The following SRGAP2 variants were observed in gnomAD, a reference collection of about 807,000 sequenced individuals.
SRGAP2 encodes SLIT-ROBO Rho GTPase activating protein 2.
Under a neutral mutation model 57.2 loss-of-function variants are expected in SRGAP2, and 15 were observed. That is an observed-to-expected ratio of 0.26 (90% CI 0.18 to 0.40). The LOEUF is 0.40. Ranked by LOEUF, SRGAP2 falls within the 10% of genes least tolerant of loss-of-function variation. The pLI, the probability that SRGAP2 is intolerant of heterozygous loss-of-function variation, is 1.00. For missense variants in SRGAP2, 520 were observed against 669.6 expected (o/e 0.78, Z 2.47); for synonymous variants, 249 against 248.0 (o/e 1.00, Z -0.04).
intron 4 of SRGAP2, among the ~76,000 whole-genome samples, chr1:206,357,141 A>AT (rs1451690065): frequency 1.4e-5 from 2 of 146,238 alleles, no homozygotes; most frequent in African/African-American, 2.7e-5. Flanking sequence ...AACATCTTCT[A>AT]TTTTTTATTT....
intron 7 of SRGAP2, among the ~76,000 whole-genome samples, chr1:206,394,355 C>G (rs1657355615): frequency 6.6e-6 from 1 of 152,176 alleles, no homozygotes; most frequent in Non-Finnish European, 1.5e-5. Flanking sequence ...GGCCCTGCAC[C>G]CGACCTAGGA....
At chr1:206,378,667 C>T (rs1655434301) in intron 4 of SRGAP2, among the ~76,000 whole-genome samples, 1 of 151,860 alleles carries the variant, frequency 6.6e-6, no homozygotes, top group South Asian at 2.1e-4. Context: ...CACCAATCAG[C>T]GCTCTGTGTC....
At chr1:206,211,931 G>GA (rs1666337536) in intron 2 of SRGAP2, among the ~76,000 whole-genome samples, 1 of 140,784 alleles carries the variant, frequency 7.1e-6, no homozygotes, top group Non-Finnish European at 1.5e-5. Context: ...CAGGTAAGTG[G>GA]AATCATATTG....
At position 206,450,421 on chromosome 1, in the gene SRGAP2, A is replaced by G. The variant is rs530268226; in HGVS notation, c.2135A>G (p.Asp712Gly). 3.8e-6 allele frequency: 3 copies of G among 780,724 alleles called. No homozygotes were observed. The South Asian group carries it at 4.0e-5, about 10-fold the overall frequency. 48.4% of individuals were successfully genotyped at this position (780,724 alleles called of 1,614,324 possible). ...SPHGETTSVEDSTQDVTAEHH... is the reference protein window; with the variant it reads ...SPHGETTSVEGSTQDVTAEHH... ...CATGGAGAGACTACCTCGGTTGAAG[A>G]CTCAACCCAGGATGTGACCGCAGAG... Residue 712 changes from aspartate (D) to glycine (G), a missense_variant, in exon 19 of 23, where the codon GAC becomes GGC. By Grantham distance (94) the Asp-to-Gly change is moderately conservative (BLOSUM62 -1). Transcript: ENST00000573034.
chr1:206,425,006 A>G (rs1553365817), intron 13 of SRGAP2, among the ~76,000 whole-genome samples: 1 of 152,206 alleles, frequency 6.6e-6, no homozygotes, highest in African/African-American at 2.4e-5. Context: ...CATGCAGGTT[A>G]ATATTTTTCT....
intron 18 of SRGAP2, among the ~76,000 whole-genome samples, chr1:206,446,580 G>T (rs1391492759): frequency 3.3e-5 from 5 of 152,202 alleles, no homozygotes; most frequent in Non-Finnish European, 1.5e-5. Flanking sequence ...CTCTAAGAAA[G>T]GACTTTTTAT....
At chr1:206,258,741 GT>G (rs1669363739) in intron 2 of SRGAP2, among the ~76,000 whole-genome samples, 1 of 98,942 alleles carries the variant, frequency 1.0e-5, no homozygotes, top group Non-Finnish European at 1.9e-5. Context: ...CAGGCTTCTG[GT>G]TCAGGGATCT....
In SRGAP2 at chr1:206,458,831, C is replaced by T. The variant is rs553049915; in HGVS notation, c.2716C>T (p.Arg906Cys). The change falls in exon 22 of 23, where the codon CGC becomes TGC. Residue 906 changes from arginine (R) to cysteine (C), a missense_variant. Physicochemically the swap from Arg to Cys is radical, Grantham distance 180 (BLOSUM62 -3). Coordinates refer to ENST00000573034, the MANE Select transcript of SRGAP2 (RefSeq NM_015326.5). ...SGHGSLNSIS[R>C]HSSLKNRLDS... ...GCACGGGAGCCTCAACTCCATCAGCCGCCACTCATCCCTGAAGAATCGGCT... is the reference window on the plus strand; with the variant it reads ...GCACGGGAGCCTCAACTCCATCAGCTGCCACTCATCCCTGAAGAATCGGCT... 1.0e-5 allele frequency: 8 copies of T among 780,590 alleles called. No individual in the cohort carries two copies. Among genetic ancestry groups the T allele is most frequent in the African/African-American group, 5.1e-5 (3 of 59,122 alleles). 48.4% of individuals were successfully genotyped at this position (780,590 alleles called of 1,614,324 possible).
chr1:206,373,710 G>A (rs1399341863), intron 4 of SRGAP2, among the ~76,000 whole-genome samples: 2 of 75,732 alleles, frequency 2.6e-5, no homozygotes, highest in African/African-American at 1.1e-4. Context: ...ACTCCAGCCT[G>A]GTGATAGAGC....
chr1:206,333,577 C>T (rs1674545843), intron 3 of SRGAP2: 4 of 713,712 alleles, frequency 5.6e-6, no homozygotes, highest in African/African-American at 3.6e-5. Flanking sequence ...CCAGGCTGGT[C>T]ATTTACAGGC....
intron 22 of SRGAP2, among the ~76,000 whole-genome samples, chr1:206,460,421 C>G (rs3849277): frequency 0.4 from 60,364 of 151,824 alleles, 12,434 homozygotes; most frequent in Middle Eastern, 0.55. Flanking sequence ...TCTTTTGTCC[C>G]CTTGGTGGTG....
At chr1:206,310,278 A>G (rs1279994840) in intron 3 of SRGAP2, among the ~76,000 whole-genome samples, 3 of 150,988 alleles carry the variant, frequency 2.0e-5, no homozygotes, top group South Asian at 2.1e-4. Context: ...GAGAAACTCA[A>G]TAAGAGAGGC....
chr1:206,461,088 C>T lies in SRGAP2; in HGVS notation c.2884C>T (p.Arg962Trp), dbSNP rs560648736. Reference sequence around the variant, plus strand: ...CCTGAATGAGCTACGGGAACTAGAACGGCAGAGCAGTGTCAAACACACCCC... The same window carrying T: ...CCTGAATGAGCTACGGGAACTAGAATGGCAGAGCAGTGTCAAACACACCCC... ...SALNELRELE[R>W]QSSVKHTPDV... Residue 962 changes from arginine (R) to tryptophan (W), a missense_variant, in exon 23 of 23, where the codon CGG becomes TGG. By Grantham distance (101) the Arg-to-Trp change is moderately radical. Transcript: ENST00000573034. 59 of 760,632 alleles carry T rather than the reference C, an allele frequency of 7.8e-5. No homozygotes were observed. Among genetic ancestry groups the T allele is most frequent in the Admixed American group, 3.4e-4 (19 of 56,370 alleles). The allele number at this position is 760,632 out of a possible 1,614,324, so 47.1% of individuals were successfully genotyped here. A position where few individuals can be genotyped will look rare whatever the true frequency, so the allele number is the denominator to read the frequency against.
intron 4 of SRGAP2, among the ~76,000 whole-genome samples, chr1:206,346,783 T>G (rs1444230851): frequency 6.6e-6 from 1 of 152,248 alleles, no homozygotes; most frequent in Admixed American, 6.5e-5. Context: ...AATGATTCAC[T>G]GCAAAAATTA....
intron 5 of SRGAP2, among the ~76,000 whole-genome samples, chr1:206,387,117 C>A: frequency 8.8e-6 from 1 of 113,660 alleles, no homozygotes. Flanking sequence ...CAGAGCAAGA[C>A]TCTGTCTCAA....
chr1:206,437,854 C>T (rs1661910146), intron 15 of SRGAP2, 110 bp from the exon 16 acceptor site: 3 of 719,648 alleles, frequency 4.2e-6, no homozygotes, highest in Admixed American at 1.9e-5. Flanking sequence ...GGGCAGAAAG[C>T]TGATGGATTG....
At chr1:206,374,138 C>T (rs1386943868) in intron 4 of SRGAP2, among the ~76,000 whole-genome samples, 1 of 150,096 alleles carries the variant, frequency 6.7e-6, no homozygotes, top group African/African-American at 2.5e-5. Flanking sequence ...CATTCTCCTG[C>T]CTCAGCCTCC....
intron 2 of SRGAP2, among the ~76,000 whole-genome samples, chr1:206,256,205 C>G (rs1316235621): frequency 6.6e-6 from 1 of 151,858 alleles, no homozygotes; most frequent in Non-Finnish European, 1.5e-5. Flanking sequence ...CTCTGGAACC[C>G]ATTACCCCAC....
intron 2 of SRGAP2, among the ~76,000 whole-genome samples, chr1:206,222,745 T>C (rs1667078163): frequency 6.6e-6 from 1 of 152,062 alleles, no homozygotes; most frequent in Non-Finnish European, 1.5e-5. Context: ...AGGTTTTGCA[T>C]CTTACTCGGG....
Sources: gnomAD v4.1 joint callset for allele counts (sites outside exome capture counted in the v4.1 genomes callset) on GRCh38, gnomAD v4.1.1 for gene constraint, MANE v1.5 for transcripts, NCBI Gene and HGNC (gene_info 2026-07-23, HGNC 2026-07-21) for gene names.